The following PIP4K2A variants were observed in gnomAD, a reference collection of about 807,000 sequenced individuals.
PIP4K2A encodes phosphatidylinositol-5-phosphate 4-kinase type 2 alpha.
A neutral mutation model predicts 42.9 loss-of-function variants in PIP4K2A; 14 were observed. The ratio of observed to expected loss-of-function variants is 0.33; its 90% CI spans 0.22 to 0.51. The LOEUF is 0.51. Among genes scored for constraint, PIP4K2A ranks in the 20% least tolerant of loss-of-function variants. The pLI is 0.97. For missense variants in PIP4K2A, 434 were observed against 519.8 expected (o/e 0.83, Z 1.61); for synonymous variants, 192 against 192.2 (o/e 1.00, Z 0.01).
intron 5 of PIP4K2A, among the ~76,000 whole-genome samples, chr10:22,570,077 G>A (rs1291754740): frequency 6.6e-6 from 1 of 151,150 alleles, no homozygotes; most frequent in Non-Finnish European, 1.5e-5. Context: ...GGCATTGCAG[G>A]GGGATTAAAA....
chr10:22,587,320 A>C (rs2130815781), intron 4 of PIP4K2A, among the ~76,000 whole-genome samples: 1 of 152,338 alleles, frequency 6.6e-6, no homozygotes, highest in Non-Finnish European at 1.5e-5. Flanking sequence ...CCTCTATGAG[A>C]GCCTCTCATC....
At chr10:22,640,765 TG>T (rs1339883665) in intron 1 of PIP4K2A, among the ~76,000 whole-genome samples, 15 of 152,318 alleles carry the variant, frequency 9.8e-5, no homozygotes, top group Admixed American at 9.8e-4. Flanking sequence ...GGCTCAGTTT[TG>T]TATTCCCTAA....
rs142068852 is a variant in PIP4K2A, at chr10:22,549,516, A to C, written c.792+1143T>G. ...CTGCCTAAATTCTAATTCCCACTGCATTGTTTTGTAACTCAACGAAGTCCA... is the reference window on the plus strand; with the variant it reads ...CTGCCTAAATTCTAATTCCCACTGCCTTGTTTTGTAACTCAACGAAGTCCA... On this transcript the variant is annotated intron_variant, in intron 7 of 9. Coordinates refer to ENST00000376573, the MANE Select transcript of PIP4K2A (RefSeq NM_005028.5). Among the ~76,000 whole-genome samples, 245 of 152,270 alleles carry C rather than the reference A, an allele frequency of 1.6e-3. 1 individual carries two copies. The highest frequency in any genetic ancestry group is 5.6e-3 in the African/African-American group (232 of 41,558).
intron 6 of PIP4K2A, among the ~76,000 whole-genome samples, chr10:22,556,391 T>G (rs187346615): frequency 6.6e-6 from 1 of 152,218 alleles, no homozygotes; most frequent in African/African-American, 2.4e-5. Context: ...AAAAGACCTT[T>G]TGTTTAAACT....
intron 9 of PIP4K2A, 147 bp from the exon 10 acceptor site, chr10:22,537,428 A>C (rs975888132): frequency 3.1e-6 from 2 of 642,200 alleles, no homozygotes; most frequent in Non-Finnish European, 5.4e-6. Context: ...GAAAAACATC[A>C]CTCAAAATAT....
chr10:22,546,484 T>C (rs1216400960), intron 7 of PIP4K2A, among the ~76,000 whole-genome samples: 1 of 152,136 alleles, frequency 6.6e-6, no homozygotes, highest in Admixed American at 6.5e-5. Context: ...TGATCATGGC[T>C]CACTGAAGCC....
rs116770091 is a variant in PIP4K2A at position 22,578,862 on chromosome 10, A to G, written c.493-5405T>C. On this transcript the variant is annotated intron_variant, in intron 4 of 9. Coordinates refer to ENST00000376573, the MANE Select transcript of PIP4K2A (RefSeq NM_005028.5). ...AACTGTTGAATAAATGAATCCAGCA[A>G]ATAATTAAAAAAACCCAAGATGTTT... 2.1e-3 allele frequency among the ~76,000 whole-genome samples: 322 copies of G among 152,286 alleles called. 1 individual carries two copies. Among genetic ancestry groups the G allele is most frequent in the African/African-American group, 7.2e-3 (298 of 41,564 alleles).
intron 1 of PIP4K2A, among the ~76,000 whole-genome samples, chr10:22,610,278 G>C (rs532047703): frequency 6.6e-6 from 1 of 152,204 alleles, no homozygotes; most frequent in Non-Finnish European, 1.5e-5. Flanking sequence ...GTGGTCCCAG[G>C]ACTACAAGAG....
intron 1 of PIP4K2A, among the ~76,000 whole-genome samples, chr10:22,682,017 G>A (rs1049912993): frequency 6.6e-6 from 1 of 151,212 alleles, no homozygotes; most frequent in South Asian, 2.1e-4. Flanking sequence ...TTGTACATAC[G>A]TAAAAACTAT....
chr10:22,611,997 T>C (rs1446857636), intron 1 of PIP4K2A, among the ~76,000 whole-genome samples: 1 of 152,206 alleles, frequency 6.6e-6, no homozygotes. Flanking sequence ...TAAGAGAGTC[T>C]TCTCAGACAG....
chr10:22,712,297 C>A (rs1035235417), intron 1 of PIP4K2A, among the ~76,000 whole-genome samples: 3 of 152,082 alleles, frequency 2.0e-5, no homozygotes, highest in African/African-American at 7.2e-5. Flanking sequence ...AAAACATACA[C>A]AATTACAAGA....
At chr10:22,711,718 C>T (rs1833913980) in intron 1 of PIP4K2A, among the ~76,000 whole-genome samples, 1 of 152,206 alleles carries the variant, frequency 6.6e-6, no homozygotes, top group African/African-American at 2.4e-5. Context: ...AGACTGCTGA[C>T]ATATTTATTC....
At chr10:22,560,819 A>G (rs991590746) in intron 6 of PIP4K2A, among the ~76,000 whole-genome samples, 12 of 152,350 alleles carry the variant, frequency 7.9e-5, no homozygotes, top group African/African-American at 2.4e-4. Context: ...AACAAAATGC[A>G]TATTTGTGTA....
In PIP4K2A at chr10:22,608,233, G is replaced by A. The variant is rs12264146; in HGVS notation, c.243-210C>T. Reference sequence around the variant, plus strand: ...ATGTCTGTCTGTCTCCTTTGTCACAGGCACGCTTGGACTATGTGACCTCTT... The same window carrying A: ...ATGTCTGTCTGTCTCCTTTGTCACAAGCACGCTTGGACTATGTGACCTCTT... On this transcript the variant is annotated intron_variant, in intron 2 of 9. Transcript: ENST00000376573. 5.7e-3 allele frequency among the ~76,000 whole-genome samples: 870 copies of A among 152,342 alleles called. 5 individuals are homozygous for A. Among genetic ancestry groups the A allele is most frequent in the African/African-American group, 0.02 (818 of 41,578 alleles).
intron 5 of PIP4K2A, among the ~76,000 whole-genome samples, chr10:22,568,282 T>G (rs1265580140): frequency 6.6e-6 from 1 of 152,120 alleles, no homozygotes; most frequent in South Asian, 2.1e-4. Flanking sequence ...TCTTAAAGAG[T>G]CCCACTAGCT....
chr10:22,608,088 T>G, intron 2 of PIP4K2A, 65 bp from the exon 3 acceptor site: 1 of 1,034,766 alleles, frequency 9.7e-7, no homozygotes, highest in Non-Finnish European at 1.5e-6. Flanking sequence ...CTGCCACCAC[T>G]GAGTTCCACA....
intron 1 of PIP4K2A, among the ~76,000 whole-genome samples, chr10:22,703,028 A>C (rs1277823636): frequency 6.6e-6 from 1 of 152,190 alleles, no homozygotes; most frequent in East Asian, 1.9e-4. Context: ...GGGCTCCCTT[A>C]GCTTAGGAGG....
At chr10:22,646,140 C>T (rs1212989249) in intron 1 of PIP4K2A, 1 of 152,198 alleles carries the variant, frequency 6.6e-6, no homozygotes, top group Non-Finnish European at 1.5e-5. Flanking sequence ...ATCTGAAAGA[C>T]AACTTTCCTA....
In PIP4K2A at chr10:22,557,657, AT is replaced by A. The variant is rs1250430144; in HGVS notation, c.679-6886del. Among the ~76,000 whole-genome samples the A allele has an allele frequency of 6.6e-5, 10 of 152,356 alleles. 2 individuals carry two copies. The highest frequency in any genetic ancestry group is 2.1e-4 in the South Asian group (1 of 4,834). On this transcript the variant is annotated intron_variant, in intron 6 of 9. Coordinates refer to ENST00000376573, the MANE Select transcript of PIP4K2A (RefSeq NM_005028.5). Reference sequence around the variant, plus strand: ...AAAACTATCTTTCAGATGACACAAAATTTTTAAAAATCACAAATTTCAAACT... The same window carrying A: ...AAAACTATCTTTCAGATGACACAAAATTTTAAAAATCACAAATTTCAAACT...
Sources: allele counts gnomAD v4.1 joint callset (sites outside exome capture counted in the v4.1 genomes callset), GRCh38; gene constraint gnomAD v4.1.1; transcripts MANE v1.5; gene names NCBI Gene and HGNC (gene_info 2026-07-23, HGNC 2026-07-21).